The following ALG12 variants were observed in gnomAD, a reference collection of about 807,000 sequenced individuals.
The protein encoded by ALG12 is ALG12 alpha-1,6-mannosyltransferase, also known as dol-P-Man:Man(7)GlcNAc(2)-PP-Dol alpha-1,6-mannosyltransferase.
ALG12 carries 36 observed loss-of-function variants against 46.0 expected under a neutral mutation model. The ratio of observed to expected loss-of-function variants is 0.78; its 90% confidence interval spans 0.60 to 1.03. The LOEUF is 1.03. Ranked by LOEUF, ALG12 falls within the 50% of genes least tolerant of loss-of-function variation. The pLI is 0.00. For missense variants in ALG12, 599 were observed against 633.5 expected, an observed-to-expected ratio of 0.95 and a Z score of 0.58; for synonymous variants, 326 against 291.6, an observed-to-expected ratio of 1.12 and a Z score of -1.20.
chr22:49,874,568 T>A, the ALG12 span, among the ~76,000 whole-genome samples: 2 of 151,186 alleles, frequency 1.3e-5, no homozygotes, highest in Admixed American at 1.3e-4. Flanking sequence ...AGACATGGGA[T>A]TTCACCAGTT....
downstream of ALG12, among the ~76,000 whole-genome samples, chr22:49,899,242 C>T (rs957064902): frequency 1.3e-5 from 2 of 151,922 alleles, no homozygotes; most frequent in Non-Finnish European, 1.5e-5. Flanking sequence ...GGTGGGAGGC[C>T]GAGGCGAGTG....
chr22:49,889,587 CA>C, the ALG12 span: 1 of 167,182 alleles, frequency 6.0e-6, no homozygotes, highest in African/African-American at 2.4e-5. Flanking sequence ...CTTTACTCAA[CA>C]GAAAATATGG....
chr22:49,909,212 C>T (rs765825230), intron 6 of ALG12, 32 bp downstream of exon 6: 1 of 1,601,620 alleles, frequency 6.2e-7, no homozygotes, highest in South Asian at 1.1e-5. Flanking sequence ...AGGTCCCACC[C>T]ATCGCCCTCC....
At chr22:49,898,168 A>AT (rs1322454490), downstream of ALG12, among the ~76,000 whole-genome samples, 1 of 150,844 alleles carries the variant, frequency 6.6e-6, no homozygotes, top group African/African-American at 2.4e-5. Context: ...ACCTGAATAA[A>AT]TTTTTTGTTG....
At chr22:49,909,013 G>A (rs529367743) in intron 6 of ALG12, among the ~76,000 whole-genome samples, 4 of 152,048 alleles carry the variant, frequency 2.6e-5, no homozygotes, top group East Asian at 1.9e-4. Context: ...GTAATCTGGG[G>A]CAGGGCTGTT....
At chr22:49,915,235 C>A (rs752898920) in intron 1 of ALG12, among the ~76,000 whole-genome samples, 17 of 152,294 alleles carry the variant, frequency 1.1e-4, no homozygotes, top group African/African-American at 4.1e-4. Context: ...GGGCCGGGCG[C>A]GGTCGCTCAT....
At chr22:49,867,694 C>T in the ALG12 span, among the ~76,000 whole-genome samples, 1 of 152,156 alleles carries the variant, frequency 6.6e-6, no homozygotes, top group Non-Finnish European at 1.5e-5. Context: ...CGCTTGATGA[C>T]ATCTTTCTTT....
chr22:49,895,674 T>C (rs1044603957), downstream of ALG12, among the ~76,000 whole-genome samples: 1 of 149,108 alleles, frequency 6.7e-6, no homozygotes, highest in Non-Finnish European at 1.5e-5. Flanking sequence ...AAAAAAAAAG[T>C]GGTGCTGTAA....
the ALG12 span, among the ~76,000 whole-genome samples, chr22:49,875,418 CTTTTT>C: frequency 1.5e-4 from 22 of 145,174 alleles, no homozygotes; most frequent in Non-Finnish European, 3.0e-4. Context: ...AATTTATTTT[CTTTTT>C]TTTTTTCTTT....
rs368352058 is a variant in ALG12 at position 49,913,379 on chromosome 22, C to G, written c.295+6G>C. Reference sequence around the variant, plus strand: ...CTCCCTCCTCCTTTGTTGAAGACCCCCTTACCTATTAGCTGAGAGTAAAAC... The same window carrying G: ...CTCCCTCCTCCTTTGTTGAAGACCCGCTTACCTATTAGCTGAGAGTAAAAC... On this transcript the variant is annotated splice_donor_region_variant and intron_variant, in intron 3 of 9. Transcript: ENST00000330817. The G allele has an allele frequency of 6.8e-6, 11 of 1,613,698 alleles. No homozygotes were observed. The Admixed American group carries it at 1.3e-4, about 20-fold the overall frequency.
the ALG12 span, among the ~76,000 whole-genome samples, chr22:49,893,242 C>T: frequency 6.6e-5 from 10 of 152,126 alleles, no homozygotes; most frequent in Admixed American, 2.0e-4. Flanking sequence ...AGGGGTGGAG[C>T]GCCATTTGGA....
downstream of ALG12, among the ~76,000 whole-genome samples, chr22:49,896,055 C>T (rs1306933894): frequency 6.6e-6 from 1 of 152,232 alleles, no homozygotes; most frequent in Non-Finnish European, 1.5e-5. Flanking sequence ...TCCCAGTGAG[C>T]TGGTCCTGAT....
chr22:49,893,911 C>T, the ALG12 span, among the ~76,000 whole-genome samples: 2 of 152,176 alleles, frequency 1.3e-5, no homozygotes, highest in Non-Finnish European at 2.9e-5. Flanking sequence ...CACCTGTAAT[C>T]CCAGCACTTT....
At chr22:49,885,013 A>G in the ALG12 span, 1 of 1,612,714 alleles carries the variant, frequency 6.2e-7, no homozygotes, top group Non-Finnish European at 8.5e-7. Flanking sequence ...CCAGCAGAAT[A>G]AAAAGGTCAT....
downstream of ALG12, among the ~76,000 whole-genome samples, chr22:49,896,830 C>CG (rs199856645): frequency 0.12 from 17,868 of 151,368 alleles, 1,059 homozygotes; most frequent in South Asian, 0.19. Flanking sequence ...TTAGTAGAGA[C>CG]GGGTTTCGCC....
At chr22:49,891,272 G>C in the ALG12 span, among the ~76,000 whole-genome samples, 15 of 152,316 alleles carry the variant, frequency 9.8e-5, no homozygotes, top group African/African-American at 3.4e-4. Flanking sequence ...GATGCCACTT[G>C]TTTAAAATTT....
In ALG12 at chr22:49,902,269, ATG is replaced by A. The variant is rs1250888853; in HGVS notation, c.*1567_*1568del. 3 of 101,584 alleles carry A rather than the reference ATG, an allele frequency of 3.0e-5. No individual in the cohort carries two copies. Among genetic ancestry groups the A allele is most frequent in the Non-Finnish European group, 5.1e-5 (3 of 59,250 alleles). The allele number at this position is 101,584 out of a possible 1,614,324, so 6.3% of individuals were successfully genotyped here. On this transcript the variant is annotated 3_prime_UTR_variant, in exon 10 of 10. Coordinates refer to ENST00000330817, the MANE Select transcript of ALG12 (RefSeq NM_024105.4). ...TGCACTGTGTATGCATGGTGTGTGC[ATG>A]TGTGCACTGTATGCATAGTGTGCAC... is the stretch of plus-strand genomic sequence containing the variant.
intron 9 of ALG12, 23 bp downstream of exon 9, chr22:49,904,156 G>T: frequency 6.2e-7 from 1 of 1,614,190 alleles, no homozygotes; most frequent in Non-Finnish European, 8.5e-7. Context: ...CTCTGGGAGG[G>T]CCGTGCTGTG....
At chr22:49,889,192 T>C in the ALG12 span, 1 of 167,048 alleles carries the variant, frequency 6.0e-6, no homozygotes, top group Non-Finnish European at 1.5e-5. Context: ...TCACAGAGCA[T>C]ATAGTCTAGT....
Sources: allele counts gnomAD v4.1 joint callset (sites outside exome capture counted in the v4.1 genomes callset), GRCh38; gene constraint gnomAD v4.1.1; transcripts MANE v1.5; gene names NCBI Gene and HGNC (gene_info 2026-07-23, HGNC 2026-07-21).